Variants in MED26 observed in about 807,000 individuals in gnomAD.
The protein encoded by MED26 is mediator of RNA polymerase II transcription subunit 26.
MED26 carries 7 observed loss-of-function variants against 43.7 expected under a neutral mutation model. That is an observed-to-expected ratio of 0.16 (90% CI 0.09 to 0.30). The LOEUF (loss-of-function observed/expected upper bound fraction) is 0.30. Among genes scored for constraint, MED26 ranks in the 10% least tolerant of loss-of-function variants. The probability of loss-of-function intolerance (pLI) is 1.00; values close to 1 mark genes in which losing one functional copy is unlikely to be tolerated. For missense variants in MED26, 784 were observed against 840.6 expected (o/e 0.93, Z 0.83); for synonymous variants, 375 against 371.1 (o/e 1.01, Z -0.12).
intron 1 of MED26, among the ~76,000 whole-genome samples, chr19:16,625,902 C>A (rs1387517359): frequency 6.6e-6 from 1 of 152,200 alleles, no homozygotes; most frequent in Non-Finnish European, 1.5e-5. Flanking sequence ...AATCCATCCA[C>A]CCCATGTTAG....
rs988517110 is a variant in MED26, at chr19:16,587,114, C to A, written c.73-8705G>T. On this transcript the variant is annotated intron_variant, in intron 1 of 2. Transcript: ENST00000263390. The surrounding 1 kb of genome is among the most constrained non-coding windows in gnomAD (Gnocchi z 4.9). The stretch of plus-strand genomic sequence containing the variant: ...GTCCGCGGCTGAGTCACCTCGCCCA[C>A]CCCCCAACCCCCAACACACAGTCGT... 3 of 151,934 alleles carry A rather than the reference C, an allele frequency of 2.0e-5. No individual in the cohort carries two copies. Among genetic ancestry groups the A allele is most frequent in the Non-Finnish European group, 4.4e-5 (3 of 67,990 alleles). The allele number at this position is 151,934 out of a possible 1,614,324, so 9.4% of individuals were successfully genotyped here. A position where few individuals can be genotyped will look rare whatever the true frequency, so the allele number is the denominator to read the frequency against.
chr19:16,596,106 G>C (rs1294837431), intron 1 of MED26, among the ~76,000 whole-genome samples: 1 of 152,142 alleles, frequency 6.6e-6, no homozygotes, highest in East Asian at 1.9e-4. Flanking sequence ...GACCTCACTT[G>C]AGCTCAAGTG....
intron 1 of MED26, chr19:16,610,796 C>T (rs970323981): frequency 1.3e-5 from 2 of 152,248 alleles, no homozygotes; most frequent in South Asian, 4.1e-4. Context: ...TGTGCCATGA[C>T]ATGGAAGGCT....
intron 1 of MED26, among the ~76,000 whole-genome samples, chr19:16,622,406 T>C (rs1290930186): frequency 1.3e-5 from 2 of 152,314 alleles, no homozygotes; most frequent in South Asian, 2.1e-4. Context: ...GCTAATCAGT[T>C]AGTGACTGAA....
rs749423021 is a variant in MED26, at chr19:16,575,976, G to A, written c.*51C>T. On this transcript the variant is annotated 3_prime_UTR_variant, in exon 3 of 3. Coordinates refer to ENST00000263390, the MANE Select transcript of MED26 (RefSeq NM_004831.5). ...CGGCCACCTGCCCACCTGCCTGCCCGCCCACCCGGCTTCTGCAAGATGGGA... is the reference window on the plus strand; with the variant it reads ...CGGCCACCTGCCCACCTGCCTGCCCACCCACCCGGCTTCTGCAAGATGGGA... 1.9e-5 allele frequency: 27 copies of A among 1,416,080 alleles called. No individual in the cohort carries two copies. Among genetic ancestry groups the A allele is most frequent in the East Asian group, 9.0e-5 (3 of 33,238 alleles). 87.7% of individuals were successfully genotyped at this position (1,416,080 alleles called of 1,614,324 possible). A position where few individuals can be genotyped will look rare whatever the true frequency, so the allele number is the denominator to read the frequency against.
rs751639983 is a variant in MED26 at position 16,577,016 on chromosome 19, A to G, written c.814T>C (p.Ser272Pro). The change falls in exon 3 of 3, where the codon TCT becomes CCT. Residue 272 changes from serine (S) to proline (P), a missense_variant. Coordinates refer to ENST00000263390, the MANE Select transcript of MED26 (RefSeq NM_004831.5). The surrounding 1 kb of genome is among the most constrained non-coding windows in gnomAD (Gnocchi z 8.1). ...PPHPKGPPRC[S>P]FSPRNSRHEG... ...TGCCGTGAGTTCCGAGGACTGAAAG[A>G]GCAGCGAGGGGGTCCCTTGGGATGG... 2 of 1,608,190 alleles carry G rather than the reference A, an allele frequency of 1.2e-6. No individual in the cohort carries two copies. The highest frequency in any genetic ancestry group is 1.7e-5 in the Admixed American group (1 of 59,826).
At chr19:16,597,849 A>G (rs1023149525) in intron 1 of MED26, among the ~76,000 whole-genome samples, 8 of 152,118 alleles carry the variant, frequency 5.3e-5, no homozygotes, top group Non-Finnish European at 7.4e-5. Flanking sequence ...CAGCCTCACA[A>G]GCAGCTGGGA....
chr19:16,600,691 G>C (rs2086144430), intron 1 of MED26, among the ~76,000 whole-genome samples: 1 of 151,966 alleles, frequency 6.6e-6, no homozygotes, highest in Admixed American at 6.6e-5. Context: ...TCCTCCCAAA[G>C]AGAATCCCAC....
chr19:16,597,788 T>A (rs867129067), intron 1 of MED26, among the ~76,000 whole-genome samples: 3 of 152,180 alleles, frequency 2.0e-5, no homozygotes, highest in South Asian at 2.1e-4. Context: ...TGGCATGTGA[T>A]CTCAGCTCAC....
chr19:16,621,703 A>C (rs886927085), intron 1 of MED26, among the ~76,000 whole-genome samples: 1 of 151,966 alleles, frequency 6.6e-6, no homozygotes, highest in Non-Finnish European at 1.5e-5. Context: ...CACAGAATCC[A>C]AGGGCCTGGG....
chr19:16,596,509 G>A (rs771440275), intron 1 of MED26, among the ~76,000 whole-genome samples: 6 of 152,210 alleles, frequency 3.9e-5, no homozygotes, highest in Non-Finnish European at 5.9e-5. Context: ...ACCTCCTTGC[G>A]TGGAGAGATG....
intron 1 of MED26, among the ~76,000 whole-genome samples, chr19:16,592,662 C>G (rs1388981695): frequency 1.3e-5 from 2 of 152,234 alleles, no homozygotes; most frequent in African/African-American, 4.8e-5. Context: ...ATCCACTTGG[C>G]TCCCAGAGCT....
chr19:16,576,483 C>A lies in MED26; in HGVS notation c.1347G>T (p.Val449=). 1 of 1,614,170 alleles carries A rather than the reference C, an allele frequency of 6.2e-7. No homozygotes were observed. Among genetic ancestry groups the A allele is most frequent in the Non-Finnish European group, 8.5e-7 (1 of 1,180,038 alleles). Reference sequence around the variant, plus strand: ...CTGTCCTGGACTGCTGCTCCATGTGCACAGGGCTGTCTGCCCGCACTGGCT... The same window carrying A: ...CTGTCCTGGACTGCTGCTCCATGTGAACAGGGCTGTCTGCCCGCACTGGCT... ...QKEPVRADSP[V]HMEQQSRTEL... is the part of the protein sequence containing the mutation. Residue 449 remains valine (V), a synonymous_variant, in exon 3 of 3, where the codon GTG becomes GTT. Coordinates refer to ENST00000263390, the MANE Select transcript of MED26 (RefSeq NM_004831.5). The surrounding 1 kb of genome is among the most constrained non-coding windows in gnomAD (Gnocchi z 6.8).
At chr19:16,609,941 T>A (rs1490235235) in intron 1 of MED26, among the ~76,000 whole-genome samples, 4 of 84,668 alleles carry the variant, frequency 4.7e-5, no homozygotes, top group African/African-American at 1.9e-4. Context: ...AAGCACTCTT[T>A]AAAAAAAAAA....
chr19:16,598,305 C>G, intron 1 of MED26, among the ~76,000 whole-genome samples: 2 of 140,650 alleles, frequency 1.4e-5, no homozygotes, highest in South Asian at 4.5e-4. Flanking sequence ...CCATTGCACT[C>G]CAGCCTGGGC....
At chr19:16,614,373 C>CA in intron 1 of MED26, among the ~76,000 whole-genome samples, 1 of 152,090 alleles carries the variant, frequency 6.6e-6, no homozygotes, top group African/African-American at 2.4e-5. Flanking sequence ...ACAAAAATTA[C>CA]AAAAAATTAG....
chr19:16,616,750 G>C (rs2086228001), intron 1 of MED26, among the ~76,000 whole-genome samples: 1 of 152,194 alleles, frequency 6.6e-6, no homozygotes, highest in Non-Finnish European at 1.5e-5. Context: ...CGAAGACCGT[G>C]AGCAGTGCTA....
chr19:16,585,598 AC>A (rs1300688711), intron 1 of MED26, among the ~76,000 whole-genome samples: 1 of 152,204 alleles, frequency 6.6e-6, no homozygotes, highest in African/African-American at 2.4e-5. Flanking sequence ...CAGCTGAGCC[AC>A]AGGACACAGC....
intron 1 of MED26, among the ~76,000 whole-genome samples, chr19:16,590,658 G>A (rs1387130701): frequency 6.6e-6 from 1 of 152,118 alleles, no homozygotes. Context: ...TGTGGTGTTG[G>A]TGTTACTGAT....
Sources: gnomAD v4.1 joint callset for allele counts (sites outside exome capture counted in the v4.1 genomes callset) on GRCh38, gnomAD v4.1.1 for gene constraint, Gnocchi (gnomAD v3.1) non-coding constraint, MANE v1.5 for transcripts, NCBI Gene and HGNC (gene_info 2026-07-23, HGNC 2026-07-21) for gene names.